Variants in CHL1 observed in about 807,000 individuals in gnomAD.
The protein encoded by CHL1 is cell adhesion molecule L1 like.
A neutral mutation model predicts 141.9 loss-of-function variants in CHL1; 96 were observed. That is an observed-to-expected ratio of 0.68 (90% CI 0.57 to 0.80). The LOEUF is 0.80. CHL1 is among the 30% of genes least tolerant of loss of function. CHL1 has a pLI of 0.00. For missense variants in CHL1, 1,820 were observed against 1,457.2 expected (o/e 1.25, Z -4.05); for synonymous variants, 613 against 502.2 (o/e 1.22, Z -2.95).
At chr3:239,104 T>C (rs1013585039) in intron 1 of CHL1, among the ~76,000 whole-genome samples, 1 of 152,076 alleles carries the variant, frequency 6.6e-6, no homozygotes, top group Non-Finnish European at 1.5e-5. Flanking sequence ...GACTGTCAAG[T>C]AGGGGGAACC....
In CHL1 at chr3:408,887, G is replaced by A; in HGVS notation, c.*3176G>A. On this transcript the variant is annotated 3_prime_UTR_variant, in exon 28 of 28. Transcript: ENST00000256509. ...ATGCACCCGTGTTTGTAAAAATGTA[G>A]AGCACAATGGAATTATGCTGGAAGT... 1 of 152,040 alleles carries A rather than the reference G, an allele frequency of 6.6e-6. No individual in the cohort carries two copies. The highest frequency in any genetic ancestry group is 1.5e-5 in the Non-Finnish European group (1 of 67,972). 9.4% of individuals were successfully genotyped at this position (152,040 alleles called of 1,614,324 possible).
chr3:300,546 T>G (rs1366692102), intron 2 of CHL1, among the ~76,000 whole-genome samples: 1 of 152,216 alleles, frequency 6.6e-6, no homozygotes, highest in African/African-American at 2.4e-5. Flanking sequence ...TTATTTTATA[T>G]GTACTCACTA....
At chr3:264,193 A>G (rs969271919) in intron 2 of CHL1, among the ~76,000 whole-genome samples, 9 of 152,230 alleles carry the variant, frequency 5.9e-5, no homozygotes, top group African/African-American at 2.2e-4. Flanking sequence ...TGTCACATGA[A>G]TAGGAGATAT....
chr3:252,026 C>A (rs935605086), intron 2 of CHL1, among the ~76,000 whole-genome samples: 2 of 151,846 alleles, frequency 1.3e-5, no homozygotes, highest in South Asian at 2.1e-4. Context: ...AATAAACCAA[C>A]CATAAGGTTA....
intron 1 of CHL1, among the ~76,000 whole-genome samples, chr3:226,664 C>T (rs912226188): frequency 2.6e-5 from 4 of 152,132 alleles, no homozygotes; most frequent in African/African-American, 9.6e-5. Flanking sequence ...CCAGACTGTT[C>T]TTGAACTCCT....
intron 3 of CHL1, among the ~76,000 whole-genome samples, chr3:321,092 C>G (rs1559250378): frequency 6.6e-6 from 1 of 152,056 alleles, no homozygotes; most frequent in Admixed American, 6.6e-5. Flanking sequence ...GGAAACAACT[C>G]TCTGACTATC....
intron 4 of CHL1, among the ~76,000 whole-genome samples, chr3:327,125 A>G (rs1337680722): frequency 6.6e-6 from 1 of 151,986 alleles, no homozygotes; most frequent in Admixed American, 6.6e-5. Flanking sequence ...AGACACACAG[A>G]GAGAAGTAAA....
Position 327,305 on chromosome 3 carries a change from T to C in CHL1, c.198-862T>C, listed in dbSNP as rs144743558. Among the ~76,000 whole-genome samples, 169 of 152,020 alleles carry C rather than the reference T, an allele frequency of 1.1e-3. 1 individual carries two copies. In the Middle Eastern group the frequency reaches 0.014, roughly 12 times the overall value. ...TTCCAATATACAATGCTGAATACAA[T>C]CTAATTGGGAAGTCATTGTTTGTCT... On this transcript the variant is annotated intron_variant, in intron 4 of 27. Coordinates refer to ENST00000256509, the MANE Select transcript of CHL1 (RefSeq NM_006614.4).
At chr3:384,192 CA>C in intron 19 of CHL1, 1 of 186,100 alleles carries the variant, frequency 5.4e-6, no homozygotes, top group East Asian at 1.2e-4. Context: ...CTCTTCCATT[CA>C]AAAAATACTG....
chr3:407,335 T>G lies in CHL1; in HGVS notation c.*1624T>G, dbSNP rs1451461774. On this transcript the variant is annotated 3_prime_UTR_variant, in exon 28 of 28. Transcript: ENST00000256509. ...CCAAAATTTGGGGTATTTATAATAG[T>G]CAGCGCAGGAATGCACATGGAATAT... The G allele has an allele frequency of 2.0e-5, 3 of 152,140 alleles. No individual in the cohort carries two copies. The highest frequency in any genetic ancestry group is 4.4e-5 in the Non-Finnish European group (3 of 68,022). The allele number at this position is 152,140 out of a possible 1,614,324, so 9.4% of individuals were successfully genotyped here. A position where few individuals can be genotyped will look rare whatever the true frequency, so the allele number is the denominator to read the frequency against.
intron 11 of CHL1, 79 bp from the exon 12 acceptor site, chr3:360,205 T>G (rs1174847594): frequency 6.6e-7 from 1 of 1,504,694 alleles, no homozygotes; most frequent in Admixed American, 1.8e-5. Context: ...ATAAATACTG[T>G]GTGACACATT....
intron 15 of CHL1, 96 bp from the exon 16 acceptor site, chr3:377,721 AT>A: frequency 9.4e-7 from 1 of 1,059,446 alleles, no homozygotes; most frequent in Non-Finnish European, 1.4e-6. Flanking sequence ...TCACTCTTAG[AT>A]TGTTTTCGAT....
intron 3 of CHL1, among the ~76,000 whole-genome samples, chr3:325,384 C>G (rs192213955): frequency 6.6e-6 from 1 of 151,672 alleles, no homozygotes; most frequent in Non-Finnish European, 1.5e-5. Context: ...GGAAATTTAT[C>G]ATAAATCAGT....
intron 1 of CHL1, among the ~76,000 whole-genome samples, chr3:231,575 C>CA (rs1574790272): frequency 3.0e-5 from 3 of 100,564 alleles, no homozygotes; most frequent in African/African-American, 1.0e-4. Context: ...TTATTTCTTC[C>CA]TTTTTTTTTT....
At chr3:268,521 C>A (rs1443340010) in intron 2 of CHL1, among the ~76,000 whole-genome samples, 29 of 151,584 alleles carry the variant, frequency 1.9e-4, no homozygotes, top group Admixed American at 1.8e-3. Context: ...GGTGACAGAG[C>A]GGGACCCCAT....
At chr3:304,705 T>C (rs1035418553) in intron 2 of CHL1, among the ~76,000 whole-genome samples, 1 of 152,194 alleles carries the variant, frequency 6.6e-6, no homozygotes, top group East Asian at 1.9e-4. Flanking sequence ...CTGGTTTCAT[T>C]GATTTTTTGA....
intron 1 of CHL1, among the ~76,000 whole-genome samples, chr3:237,517 A>T (rs545822465): frequency 6.1e-4 from 93 of 152,224 alleles, no homozygotes; most frequent in Non-Finnish European, 1.0e-3. Context: ...ATCAGTATGG[A>T]GTCCTTTTCT....
intron 5 of CHL1, among the ~76,000 whole-genome samples, chr3:329,365 A>G (rs140564866): frequency 0.012 from 1,786 of 152,150 alleles, 45 homozygotes; most frequent in African/African-American, 0.04. Flanking sequence ...CAAACTTCAG[A>G]AAAACAAATG....
intron 1 of CHL1, among the ~76,000 whole-genome samples, chr3:236,297 T>G (rs1034610934): frequency 6.6e-6 from 1 of 152,094 alleles, no homozygotes; most frequent in Non-Finnish European, 1.5e-5. Flanking sequence ...CAAGAAAATA[T>G]TTAGTGATGA....
Sources: gnomAD v4.1 joint callset for allele counts (sites outside exome capture counted in the v4.1 genomes callset) on GRCh38, gnomAD v4.1.1 for gene constraint, MANE v1.5 for transcripts, NCBI Gene and HGNC (gene_info 2026-07-23, HGNC 2026-07-21) for gene names.